Variants in TRDMT1 observed in about 807,000 individuals in gnomAD.
TRDMT1 encodes tRNA (cytosine(38)-C(5))-methyltransferase.
A neutral mutation model predicts 51.2 loss-of-function variants in TRDMT1; 49 were observed. The observed-to-expected ratio is 0.96, with a 90% CI of 0.76 to 1.21. The LOEUF (loss-of-function observed/expected upper bound fraction) is 1.21, where lower values mean the gene tolerates loss of function less well. Ranked by LOEUF, TRDMT1 falls within the 50% of genes most tolerant of loss-of-function variation. TRDMT1 has a pLI of 0.00. For missense variants in TRDMT1, 534 were observed against 462.3 expected (o/e 1.16, Z -1.42); for synonymous variants, 187 against 164.6 (o/e 1.14, Z -1.04).
chr10:17,175,665 C>CA (rs1842536694), intron 1 of TRDMT1, among the ~76,000 whole-genome samples: 2 of 111,784 alleles, frequency 1.8e-5, no homozygotes, highest in Non-Finnish European at 3.7e-5. Context: ...CCCCAAATAT[C>CA]AAAAAAGGAA....
intron 3 of TRDMT1, among the ~76,000 whole-genome samples, chr10:17,167,497 C>G (rs1483660001): frequency 2.0e-5 from 3 of 152,122 alleles, no homozygotes; most frequent in African/African-American, 7.2e-5. Context: ...GACACAGACA[C>G]TTAGAGGATT....
At chr10:17,201,547 G>C (rs1246167864) in intron 1 of TRDMT1, 24 bp downstream of exon 1, 12 of 1,544,970 alleles carry the variant, frequency 7.8e-6, no homozygotes, top group Non-Finnish European at 7.9e-6. Flanking sequence ...CGAATAGAGA[G>C]AGGGGTGCTA....
At chr10:17,190,974 G>A (rs998148823) in intron 1 of TRDMT1, among the ~76,000 whole-genome samples, 1 of 152,220 alleles carries the variant, frequency 6.6e-6, no homozygotes, top group Non-Finnish European at 1.5e-5. Context: ...GTTTTATGTA[G>A]GTCGGTTACA....
chr10:17,143,817 A>C lies in TRDMT1; in HGVS notation c.*5223T>G. On this transcript the variant is annotated 3_prime_UTR_variant, in exon 11 of 11. Transcript: ENST00000377799. ...AGATGATCTTTGGTTATGAAGCTTG[A>C]ACTTGGAAGATGTGGAGACTAACCG... 1.0e-6 allele frequency: 1 copy of C among 985,470 alleles called. No individual in the cohort carries two copies. The highest frequency in any genetic ancestry group is 1.2e-6 in the Non-Finnish European group (1 of 829,958). The allele number at this position is 985,470 out of a possible 1,614,324, so 61.0% of individuals were successfully genotyped here.
At position 17,140,499 on chromosome 10, in the gene TRDMT1, T is replaced by A. The variant is rs1837585715; in HGVS notation, c.*8541A>T. On this transcript the variant is annotated 3_prime_UTR_variant, in exon 11 of 11. Transcript: ENST00000377799. The stretch of plus-strand genomic sequence containing the variant: ...ATTAGGTACCCACTATCTGTCAGCA[T>A]CTGAGAAAGGTACTGAGGATACACA... Among the ~76,000 whole-genome samples, 1 of 152,164 alleles carries A rather than the reference T, an allele frequency of 6.6e-6. No individual in the cohort carries two copies.
At chr10:17,194,132 C>T (rs138242712) in intron 1 of TRDMT1, among the ~76,000 whole-genome samples, 2 of 152,302 alleles carry the variant, frequency 1.3e-5, no homozygotes, top group African/African-American at 4.8e-5. Flanking sequence ...AGACCCCTAC[C>T]TTTCACCATA....
Position 17,146,166 on chromosome 10 carries a change from T to A in TRDMT1, c.*2874A>T. ...AGTTGGATAATTTCAAGCAACAGTTTACCCTCAAATTTCTAAAAAAGTGCT... is the reference window on the plus strand; with the variant it reads ...AGTTGGATAATTTCAAGCAACAGTTAACCCTCAAATTTCTAAAAAAGTGCT... On this transcript the variant is annotated 3_prime_UTR_variant, in exon 11 of 11. Transcript: ENST00000377799. The A allele has an allele frequency of 5.1e-6, 5 of 985,466 alleles. No individual in the cohort carries two copies. The South Asian group carries it at 1.9e-4, about 37-fold the overall frequency. 61.0% of individuals were successfully genotyped at this position (985,466 alleles called of 1,614,324 possible).
intron 1 of TRDMT1, among the ~76,000 whole-genome samples, chr10:17,193,023 A>G (rs1259771452): frequency 2.6e-5 from 4 of 152,174 alleles, no homozygotes; most frequent in Non-Finnish European, 4.4e-5. Flanking sequence ...TCACCACTCT[A>G]TTCAACATAG....
In TRDMT1 at chr10:17,140,846, TCA is replaced by T. The variant is rs946113142; in HGVS notation, c.*8192_*8193del. ...CCAATCTATTTTTAGATGAATAATT[TCA>T]CAGTTATAATCATTAGCTATACGTT... On this transcript the variant is annotated 3_prime_UTR_variant, in exon 11 of 11. Transcript: ENST00000377799. Among the ~76,000 whole-genome samples the T allele has an allele frequency of 6.6e-6, 1 of 152,252 alleles. No individual in the cohort carries two copies. Among genetic ancestry groups the T allele is most frequent in the Admixed American group, 6.5e-5 (1 of 15,292 alleles).
intron 5 of TRDMT1, 73 bp from the exon 6 acceptor site, chr10:17,160,447 CT>C (rs1407497471): frequency 1.9e-6 from 2 of 1,043,976 alleles, no homozygotes; most frequent in African/African-American, 1.7e-5. Flanking sequence ...TACACAAAAG[CT>C]GGGTTTCTTT....
chr10:17,180,255 T>C (rs999770113), intron 1 of TRDMT1, among the ~76,000 whole-genome samples: 4 of 152,348 alleles, frequency 2.6e-5, no homozygotes, highest in Non-Finnish European at 5.9e-5. Flanking sequence ...AAATTTTCTC[T>C]TTCTGCCGGG....
rs1485425843 is a variant in TRDMT1, at chr10:17,159,203, T to A, written c.486A>T (p.Arg162=). Residue 162 remains arginine (R), a synonymous_variant, in exon 7 of 11, where the codon CGA becomes CGT. Coordinates refer to ENST00000377799, the MANE Select transcript of TRDMT1 (RefSeq NM_004412.7). The part of the protein sequence containing the change: ...TSLGIPNSRL[R]YFLIAKLQSE... ...ACTGAAGCTTTGCAATAAGAAAATA[T>A]CGTAGCCTTGAATTTGGAATGCCAA... 3 of 1,603,072 alleles carry A rather than the reference T, an allele frequency of 1.9e-6. No individual in the cohort carries two copies. Among genetic ancestry groups the A allele is most frequent in the South Asian group, 1.1e-5 (1 of 89,404 alleles).
chr10:17,182,359 G>T (rs10795455), intron 1 of TRDMT1, among the ~76,000 whole-genome samples: 147,622 of 152,304 alleles, frequency 0.97, 71,910 homozygotes, highest in Middle Eastern at 1. Context: ...TGAGTCCAGA[G>T]TTACAACTTT....
chr10:17,180,628 G>A (rs569945074), intron 1 of TRDMT1, among the ~76,000 whole-genome samples: 80 of 151,656 alleles, frequency 5.3e-4, no homozygotes, highest in Non-Finnish European at 1.0e-3. Flanking sequence ...TTGCATTAAT[G>A]CTTAATTTTT....
At chr10:17,200,240 A>T (rs1289891549) in intron 1 of TRDMT1, among the ~76,000 whole-genome samples, 3 of 152,244 alleles carry the variant, frequency 2.0e-5, no homozygotes, top group African/African-American at 7.2e-5. Context: ...ACACTTAAGG[A>T]ATGGCTGAAT....
At chr10:17,170,662 T>G (rs922774393) in intron 2 of TRDMT1, among the ~76,000 whole-genome samples, 2 of 152,222 alleles carry the variant, frequency 1.3e-5, no homozygotes, top group African/African-American at 4.8e-5. Flanking sequence ...GAGCCAATAT[T>G]TTTACAATAT....
At position 17,201,551 on chromosome 10, in the gene TRDMT1, G is replaced by A. The variant is rs766340350; in HGVS notation, c.64+20C>T. On this transcript the variant is annotated intron_variant, in intron 1 of 10. Coordinates refer to ENST00000377799, the MANE Select transcript of TRDMT1 (RefSeq NM_004412.7). ...GCCCCCGTGAGCGAATAGAGAGAGG[G>A]GTGCTAGATGGACTCTCACCTCTCA... 6.5e-7 allele frequency: 1 copy of A among 1,545,326 alleles called. No homozygotes were observed. Among genetic ancestry groups the A allele is most frequent in the Non-Finnish European group, 8.7e-7 (1 of 1,144,032 alleles).
Position 17,174,537 on chromosome 10 carries a change from T to A in TRDMT1, c.174+14A>T, listed in dbSNP as rs1259515714. 2 of 1,541,664 alleles carry A rather than the reference T, an allele frequency of 1.3e-6. No individual in the cohort carries two copies. Among genetic ancestry groups the A allele is most frequent in the Non-Finnish European group, 9.0e-7 (1 of 1,114,488 alleles). On this transcript the variant is annotated intron_variant, in intron 2 of 10. Transcript: ENST00000377799. The stretch of plus-strand genomic sequence containing the variant: ...CCTTGCTACATACTTATTAAAACAA[T>A]GACAATTACTCACTTCAATCGTCTT...
chr10:17,194,403 A>G (rs1402165687), intron 1 of TRDMT1, among the ~76,000 whole-genome samples: 2 of 152,184 alleles, frequency 1.3e-5, no homozygotes, highest in Admixed American at 1.3e-4. Flanking sequence ...TTTGCAAACT[A>G]TGCATCTGGG....
Sources: gnomAD v4.1 joint callset for allele counts (sites outside exome capture counted in the v4.1 genomes callset) on GRCh38, gnomAD v4.1.1 for gene constraint, MANE v1.5 for transcripts, NCBI Gene and HGNC (gene_info 2026-07-23, HGNC 2026-07-21) for gene names.